FAM186B: variants seen among roughly 807,000 people sequenced by gnomAD.
FAM186B encodes the protein family with sequence similarity 186 member B, also known as protein FAM186B.
FAM186B carries 68 observed loss-of-function variants against 83.4 expected under a neutral mutation model. That is an observed-to-expected ratio of 0.81 (90% CI 0.67 to 1.00). The LOEUF (loss-of-function observed/expected upper bound fraction) is 1.00, where lower values mean the gene tolerates loss of function less well. Ranked by LOEUF, FAM186B falls within the 50% of genes least tolerant of loss-of-function variation. The pLI is 0.00. For missense variants in FAM186B, 983 were observed against 1,099.2 expected, an observed-to-expected ratio of 0.89 and a Z score of 1.49; for synonymous variants, 389 against 422.0, an observed-to-expected ratio of 0.92 and a Z score of 0.96.
downstream of FAM186B, among the ~76,000 whole-genome samples, chr12:49,586,776 A>G (rs954136521): frequency 3.3e-5 from 5 of 152,238 alleles, no homozygotes; most frequent in African/African-American, 1.2e-4. Flanking sequence ...CTGGAATGAT[A>G]GGACTCTCAG....
intron 5 of FAM186B, among the ~76,000 whole-genome samples, chr12:49,593,643 AAAAG>A (rs896295241): frequency 2.7e-5 from 4 of 150,164 alleles, no homozygotes; most frequent in Admixed American, 6.6e-5. Flanking sequence ...AAAAAAAAAA[AAAAG>A]AAAAGAAAGA....
chr12:49,617,362 T>A, the FAM186B span, among the ~76,000 whole-genome samples: 3 of 152,018 alleles, frequency 2.0e-5, no homozygotes, highest in Non-Finnish European at 1.5e-5. Context: ...CTGGGCAAAA[T>A]GGTGAAACCC....
the FAM186B span, among the ~76,000 whole-genome samples, chr12:49,616,218 T>C: frequency 2.7e-4 from 41 of 152,126 alleles, no homozygotes; most frequent in Non-Finnish European, 5.0e-4. Context: ...TTAGAAGAGA[T>C]GGGGTTTCAC....
chr12:49,609,074 A>G (rs1940060621), upstream of FAM186B, among the ~76,000 whole-genome samples: 1 of 152,150 alleles, frequency 6.6e-6, no homozygotes, highest in African/African-American at 2.4e-5. Context: ...TACAGCCAGA[A>G]TTGTAGAAAG....
chr12:49,588,498 G>C lies in FAM186B; in HGVS notation c.2490C>G (p.Pro830=), dbSNP rs1286457586. The C allele has an allele frequency of 1.2e-6, 2 of 1,613,426 alleles. No individual in the cohort carries two copies. Among genetic ancestry groups the C allele is most frequent in the African/African-American group, 2.7e-5 (2 of 74,924 alleles). Residue 830 remains proline (P), a synonymous_variant, in exon 6 of 7, where the codon CCC becomes CCG. Coordinates refer to ENST00000257894, the MANE Select transcript of FAM186B (RefSeq NM_032130.3). ...CACATGCCCGGTGCCTAGACAGAAA[G>C]GGCTGCTTGTAGGTGGGGCCACTGG... is the stretch of plus-strand genomic sequence containing the variant. The part of the protein sequence containing the change: ...IRPSGPTYKQ[P]FLSRHRACVP...
Position 49,600,408 on chromosome 12 carries a change from TCA to T in FAM186B, c.1230_1231del (p.Ser412ProfsTer2), listed in dbSNP as rs1337386298. The stretch of plus-strand genomic sequence containing the variant: ...GGGTAAAAGCACAGGCTCAAGGCTC[TCA>T]GTGTCCTTGCTGCCGAACACATCTG... On this transcript the variant is annotated frameshift_variant, in exon 4 of 7. Transcript: ENST00000257894. LOFTEE classifies it high-confidence loss of function. This position sits in a 1 kb window ranked among gnomAD's most constrained non-coding sequence, Gnocchi z 4.3. 4 of 1,613,998 alleles carry T rather than the reference TCA, an allele frequency of 2.5e-6. No individual in the cohort carries two copies. The highest frequency in any genetic ancestry group is 1.1e-5 in the South Asian group (1 of 91,044).
the FAM186B span, among the ~76,000 whole-genome samples, chr12:49,616,035 T>TG: frequency 6.7e-6 from 1 of 148,604 alleles, no homozygotes; most frequent in African/African-American, 2.5e-5. Flanking sequence ...GTTTGGCAGT[T>TG]TTTTTTTTTT....
chr12:49,596,682 G>A (rs1423063393), intron 5 of FAM186B, among the ~76,000 whole-genome samples: 1 of 152,190 alleles, frequency 6.6e-6, no homozygotes, highest in African/African-American at 2.4e-5. Flanking sequence ...CTATTCATAG[G>A]AAGGTAGATT....
chr12:49,591,182 C>T (rs561502558), intron 5 of FAM186B, among the ~76,000 whole-genome samples: 2 of 152,282 alleles, frequency 1.3e-5, no homozygotes, highest in East Asian at 3.9e-4. Flanking sequence ...GAGACAGCAT[C>T]TGGGTATCAG....
rs545500593 is a variant in FAM186B at position 49,605,506 on chromosome 12, T to G, written c.-29A>C. ...GGATCACTCTGTCAGTCACAAAACA[T>G]CCTGTGTTTCTGGTCCACAGGCCTG... On this transcript the variant is annotated 5_prime_UTR_variant, in exon 1 of 7. An upstream start codon of the reference 5' UTR is lost. Coordinates refer to ENST00000257894, the MANE Select transcript of FAM186B (RefSeq NM_032130.3). 3 of 1,604,938 alleles carry G rather than the reference T, an allele frequency of 1.9e-6. No homozygotes were observed. The highest frequency in any genetic ancestry group is 2.7e-5 in the African/African-American group (2 of 74,962).
intron 5 of FAM186B, 34 bp downstream of exon 5, chr12:49,598,721 C>T (rs775476329): frequency 8.5e-6 from 13 of 1,531,704 alleles, no homozygotes; most frequent in Middle Eastern, 2.3e-4. Flanking sequence ...CCCCAGGAGG[C>T]GGAGTGGCGG....
At chr12:49,602,188 A>C (rs1939910331) in intron 3 of FAM186B, among the ~76,000 whole-genome samples, 1 of 152,202 alleles carries the variant, frequency 6.6e-6, no homozygotes, top group South Asian at 2.1e-4. Flanking sequence ...TGCTCAATAA[A>C]TCATCCCTAA....
intron 1 of FAM186B, 138 bp from the exon 2 acceptor site, chr12:49,604,676 G>A (rs1044054337): frequency 1.6e-6 from 1 of 644,458 alleles, no homozygotes; most frequent in Non-Finnish European, 2.7e-6. Flanking sequence ...AATCATTATA[G>A]TACCTATGTC....
At chr12:49,608,595 A>T (rs1474740223), upstream of FAM186B, among the ~76,000 whole-genome samples, 1 of 151,876 alleles carries the variant, frequency 6.6e-6, no homozygotes, top group Non-Finnish European at 1.5e-5. Flanking sequence ...GTGCATAAAG[A>T]TCAACTCTGT....
chr12:49,592,587 C>T (rs1445297960), intron 5 of FAM186B, among the ~76,000 whole-genome samples: 1 of 152,132 alleles, frequency 6.6e-6, no homozygotes, highest in African/African-American at 2.4e-5. Flanking sequence ...AGTTCGAGAC[C>T]AGCCTGGCCA....
chr12:49,620,667 CTT>C, the FAM186B span, among the ~76,000 whole-genome samples: 2,527 of 152,196 alleles, frequency 0.017, 65 homozygotes, highest in African/African-American at 0.057. Flanking sequence ...ATGAGAATAA[CTT>C]ATGAATTCTA....
chr12:49,597,764 A>G (rs750896467), intron 5 of FAM186B, among the ~76,000 whole-genome samples: 2 of 152,244 alleles, frequency 1.3e-5, no homozygotes, highest in African/African-American at 2.4e-5. Flanking sequence ...TAAATAATAA[A>G]TAATAAAAAT....
downstream of FAM186B, chr12:49,584,645 G>A (rs765912500): frequency 1.6e-5 from 11 of 702,022 alleles, no homozygotes; most frequent in South Asian, 1.0e-4. Context: ...ACAGGTGGGG[G>A]AGTAACTGAG....
At chr12:49,605,195 A>G in intron 1 of FAM186B, 187 bp downstream of exon 1, 1 of 1,415,242 alleles carries the variant, frequency 7.1e-7, no homozygotes, top group East Asian at 2.7e-5. Context: ...GGTTGCTTTC[A>G]GCTCACCCTG....
Sources: gnomAD v4.1 joint callset for allele counts (sites outside exome capture counted in the v4.1 genomes callset) on GRCh38, gnomAD v4.1.1 for gene constraint, Gnocchi (gnomAD v3.1) non-coding constraint, MANE v1.5 for transcripts, NCBI Gene and HGNC (gene_info 2026-07-23, HGNC 2026-07-21) for gene names.